NRXN3: variants seen among roughly 807,000 people sequenced by gnomAD.
NRXN3 encodes neurexin 3, also known as neurexin III.
NRXN3 carries 32 observed loss-of-function variants against 137.6 expected under a neutral mutation model. That is an observed-to-expected ratio of 0.23 (90% CI 0.18 to 0.31). The LOEUF is 0.31. NRXN3 is among the 10% of genes least tolerant of loss of function. NRXN3 has a pLI of 1.00. For synonymous variants in NRXN3, 798 were observed against 784.5 expected (o/e 1.02, Z -0.29); for missense variants, 1,574 against 2,062.5 (o/e 0.76, Z 4.59).
chr14:79,361,638 AC>A (rs1173950233), intron 15 of NRXN3, among the ~76,000 whole-genome samples: 1 of 152,062 alleles, frequency 6.6e-6, no homozygotes, highest in Non-Finnish European at 1.5e-5. Context: ...AATCACTTGA[AC>A]CCAGGAGGCA....
At chr14:78,971,547 G>A (rs2099440635) in intron 14 of NRXN3, among the ~76,000 whole-genome samples, 1 of 152,100 alleles carries the variant, frequency 6.6e-6, no homozygotes, top group Non-Finnish European at 1.5e-5. Flanking sequence ...GGTAGTAAAT[G>A]TGTTACCTTC....
Position 78,982,395 on chromosome 14 carries a change from T to G in NRXN3, c.3143-5627T>G, listed in dbSNP as rs117102454. Among the ~76,000 whole-genome samples the G allele has an allele frequency of 3.8e-4, 58 of 152,184 alleles. No individual in the cohort carries two copies. In the East Asian group the frequency reaches 5.4e-3, roughly 14 times the overall value. On this transcript the variant is annotated intron_variant, in intron 14 of 20. Transcript: ENST00000335750. ...TGCCCTTGAGAGGCTTACGGTCCAGTAGGATTTGAAAGACAGTGAGGAACT... is the reference window on the plus strand; with the variant it reads ...TGCCCTTGAGAGGCTTACGGTCCAGGAGGATTTGAAAGACAGTGAGGAACT...
chr14:79,328,747 A>C (rs2091266192), intron 15 of NRXN3, among the ~76,000 whole-genome samples: 1 of 152,214 alleles, frequency 6.6e-6, no homozygotes, highest in African/African-American at 2.4e-5. Flanking sequence ...TGACATAGGA[A>C]ACATTTCTTA....
intron 10 of NRXN3, among the ~76,000 whole-genome samples, chr14:78,889,696 C>A (rs555408095): frequency 1.3e-5 from 2 of 151,960 alleles, no homozygotes; most frequent in African/African-American, 4.8e-5. Flanking sequence ...AAAGCTCTGG[C>A]CTCAAGGATT....
At chr14:78,580,351 C>T (rs1025110582) in intron 4 of NRXN3, among the ~76,000 whole-genome samples, 1 of 152,164 alleles carries the variant, frequency 6.6e-6, no homozygotes, top group African/African-American at 2.4e-5. Context: ...CAACTTACTC[C>T]TTTCTTACCA....
At chr14:79,754,959 T>C (rs2099014279) in intron 19 of NRXN3, among the ~76,000 whole-genome samples, 2 of 152,136 alleles carry the variant, frequency 1.3e-5, no homozygotes, top group South Asian at 4.1e-4. Flanking sequence ...TCTGCCATAA[T>C]TGTAAGTTTC....
intron 15 of NRXN3, among the ~76,000 whole-genome samples, chr14:79,094,983 T>A (rs868814581): frequency 5.8e-4 from 80 of 138,360 alleles, no homozygotes; most frequent in Non-Finnish European, 1.1e-3. Flanking sequence ...AGAGAGAGTG[T>A]GTGTGTGTGT....
At chr14:79,268,225 G>T (rs1039316072) in intron 15 of NRXN3, among the ~76,000 whole-genome samples, 1 of 152,112 alleles carries the variant, frequency 6.6e-6, no homozygotes, top group South Asian at 2.1e-4. Context: ...TATATATTTT[G>T]AGGTTATGTT....
intron 15 of NRXN3, among the ~76,000 whole-genome samples, chr14:79,337,499 C>T (rs2092341533): frequency 1.3e-5 from 2 of 152,074 alleles, no homozygotes; most frequent in Non-Finnish European, 2.9e-5. Context: ...TTCTTCCATG[C>T]AGTATAATCT....
chr14:79,777,515 G>T (rs1233705796), intron 19 of NRXN3, among the ~76,000 whole-genome samples: 1 of 151,450 alleles, frequency 6.6e-6, no homozygotes, highest in African/African-American at 2.4e-5. Flanking sequence ...AGTAGTACCT[G>T]GCATGTAAAC....
intron 15 of NRXN3, chr14:79,280,127 T>C (rs1250677516): frequency 5.5e-6 from 8 of 1,463,412 alleles, no homozygotes; most frequent in Non-Finnish European, 7.2e-6. Context: ...TAAGTAGTAA[T>C]TTTTTAACTG....
intron 10 of NRXN3, among the ~76,000 whole-genome samples, chr14:78,934,944 A>G (rs1045872017): frequency 2.7e-5 from 4 of 148,208 alleles, no homozygotes; most frequent in African/African-American, 1.0e-4. Flanking sequence ...CATGTACCCT[A>G]AAACTTAAAG....
chr14:78,748,605 C>A (rs1319790924), intron 8 of NRXN3, among the ~76,000 whole-genome samples: 1 of 152,084 alleles, frequency 6.6e-6, no homozygotes, highest in African/African-American at 2.4e-5. Flanking sequence ...ACAGAAGACA[C>A]ACAGTAAAGG....
At chr14:78,232,154 C>T (rs1244252965) in intron 1 of NRXN3, among the ~76,000 whole-genome samples, 3 of 152,258 alleles carry the variant, frequency 2.0e-5, no homozygotes, top group African/African-American at 7.2e-5. Context: ...GGGGCTGTGC[C>T]AGGCCCCACA....
chr14:79,775,433 T>C (rs558910239), intron 19 of NRXN3, among the ~76,000 whole-genome samples: 7 of 151,738 alleles, frequency 4.6e-5, no homozygotes, highest in African/African-American at 1.4e-4. Context: ...AGGATATGGA[T>C]TGGGGGGCGT....
chr14:79,491,292 GC>G (rs1339862667), intron 16 of NRXN3, among the ~76,000 whole-genome samples: 1 of 152,110 alleles, frequency 6.6e-6, no homozygotes, highest in Non-Finnish European at 1.5e-5. Flanking sequence ...ATGTCCTGAT[GC>G]CTACACAATC....
In NRXN3 at chr14:78,501,934, T is replaced by C. The variant is rs2095884502; in HGVS notation, c.758-143186T>C. Among the ~76,000 whole-genome samples, 3 of 152,118 alleles carry C rather than the reference T, an allele frequency of 2.0e-5. 1 individual carries two copies. The South Asian group carries it at 6.2e-4, about 32-fold the overall frequency. On this transcript the variant is annotated intron_variant, in intron 4 of 20. Coordinates refer to ENST00000335750, the MANE Select transcript of NRXN3 (RefSeq NM_001330195.2). ...TGAATAAACTGGCCTAGAGATCTTC[T>C]ATGCAGCCCCCCCAGGGTCTGTTCT...
rs1555883861 is a variant in NRXN3 at position 79,234,345 on chromosome 14, T to TATAA, written c.3263-232876_3263-232875insATAA. Among the ~76,000 whole-genome samples, 2 of 106,316 alleles carry TATAA rather than the reference T, an allele frequency of 1.9e-5. 1 individual carries two copies. The highest frequency in any genetic ancestry group is 7.3e-5 in the African/African-American group (2 of 27,462). 69.7% of individuals were successfully genotyped at this position (106,316 alleles called of 152,430 possible). On this transcript the variant is annotated intron_variant, in intron 15 of 20. Transcript: ENST00000335750. Reference sequence around the variant, plus strand: ...ATATATATATATATATATATAATATTTATATATATATTATATATGTATTAT... The same window carrying TATAA: ...ATATATATATATATATATATAATATTATAATATATATATATTATATATGTATTAT...
chr14:79,455,032 A>T (rs1349198339), intron 15 of NRXN3, among the ~76,000 whole-genome samples: 4 of 152,238 alleles, frequency 2.6e-5, no homozygotes, highest in African/African-American at 9.6e-5. Context: ...TATTAAGATT[A>T]TGTTGGATTT....
Sources: allele counts gnomAD v4.1 joint callset (sites outside exome capture counted in the v4.1 genomes callset), GRCh38; gene constraint gnomAD v4.1.1; transcripts MANE v1.5; gene names NCBI Gene and HGNC (gene_info 2026-07-23, HGNC 2026-07-21).